HPD: variants seen among roughly 807,000 people sequenced by gnomAD.
The protein encoded by HPD is 4-hydroxyphenylpyruvate dioxygenase, also known as 4-hydroxyphenylpyruvic acid oxidase.
In HPD, 35 loss-of-function variants were observed where a neutral mutation model predicts 56.9. That is an observed-to-expected ratio of 0.62 (90% confidence interval 0.47 to 0.82). HPD has a LOEUF of 0.82. HPD is among the 40% of genes least tolerant of loss of function. The pLI, the probability that HPD is intolerant of heterozygous loss-of-function variation, is 0.00. For synonymous variants in HPD, 186 were observed against 200.2 expected (o/e 0.93, Z 0.60); for missense variants, 442 against 506.8 (o/e 0.87, Z 1.23).
At chr12:121,850,621 G>A (rs1425017380) in intron 7 of HPD, among the ~76,000 whole-genome samples, 1 of 147,730 alleles carries the variant, frequency 6.8e-6, no homozygotes, top group Admixed American at 6.8e-5. Context: ...TTATAGGCGT[G>A]TACCACCATG....
intron 6 of HPD, among the ~76,000 whole-genome samples, chr12:121,855,250 T>A (rs1256883074): frequency 6.6e-6 from 1 of 152,204 alleles, no homozygotes; most frequent in Non-Finnish European, 1.5e-5. Context: ...GCAAAAGTAC[T>A]ATTATCATCT....
the HPD span, among the ~76,000 whole-genome samples, chr12:121,878,182 A>C: frequency 6.6e-6 from 1 of 152,124 alleles, no homozygotes; most frequent in Non-Finnish European, 1.5e-5. Context: ...CATCTCAATA[A>C]ATTGAATTGG....
chr12:121,849,876 C>T (rs960914351), intron 7 of HPD, 86 bp from the exon 8 acceptor site: 18 of 859,828 alleles, frequency 2.1e-5, no homozygotes, highest in African/African-American at 5.0e-5. Context: ...AACGTAGCCC[C>T]GGGTTCCAAC....
intron 7 of HPD, among the ~76,000 whole-genome samples, chr12:121,851,682 C>CATTTATTT (rs1240851881): frequency 0.039 from 993 of 25,288 alleles, 45 homozygotes; most frequent in Middle Eastern, 0.13. Context: ...CATTTTTATT[C>CATTTATTT]ATTTATTTAT....
rs187917492 is a variant in HPD at position 121,853,781 on chromosome 12, T to C, written c.414+922A>G. Among the ~76,000 whole-genome samples the C allele has an allele frequency of 2.8e-3, 420 of 148,812 alleles. 4 individuals carry two copies. Among genetic ancestry groups the C allele is most frequent in the Admixed American group, 5.0e-3 (74 of 14,774 alleles). ...CAACATGGCAAAACCCTGTCTCTAC[T>C]AAAAACACAAAAATTAGCCGTGTGT... On this transcript the variant is annotated intron_variant, in intron 7 of 13. Coordinates refer to ENST00000289004, the MANE Select transcript of HPD (RefSeq NM_002150.3).
the HPD span, among the ~76,000 whole-genome samples, chr12:121,884,166 CCT>C: frequency 1.6e-5 from 2 of 122,870 alleles, no homozygotes; most frequent in Admixed American, 9.5e-5. Context: ...TTTCTCTTTT[CCT>C]CTCTTTTTTT....
the HPD span, among the ~76,000 whole-genome samples, chr12:121,884,454 T>C: frequency 1.3e-5 from 2 of 152,004 alleles, no homozygotes; most frequent in African/African-American, 4.8e-5. Flanking sequence ...TGAACCATCA[T>C]GCCTGGTCCT....
intron 12 of HPD, among the ~76,000 whole-genome samples, chr12:121,841,534 G>A (rs1456004412): frequency 2.6e-5 from 4 of 152,242 alleles, no homozygotes; most frequent in Non-Finnish European, 5.9e-5. Flanking sequence ...ATCTATCAAC[G>A]AGGAATAGAT....
At chr12:121,862,610 T>A (rs1229584475), upstream of HPD, among the ~76,000 whole-genome samples, 1 of 141,756 alleles carries the variant, frequency 7.1e-6, no homozygotes, top group Non-Finnish European at 1.5e-5. Flanking sequence ...TTTTTTTTTT[T>A]TTTTTTTTTT....
At chr12:121,869,796 A>T in the HPD span, among the ~76,000 whole-genome samples, 5 of 152,322 alleles carry the variant, frequency 3.3e-5, no homozygotes, top group African/African-American at 9.6e-5. Flanking sequence ...AAGTGCTGGA[A>T]TTACTGGCGT....
At chr12:121,858,373 C>T (rs1158200818) in intron 2 of HPD, among the ~76,000 whole-genome samples, 2 of 151,976 alleles carry the variant, frequency 1.3e-5, no homozygotes, top group East Asian at 1.9e-4. Flanking sequence ...TTAGTAGAGA[C>T]GGGGTTTCCT....
chr12:121,846,802 G>T (rs1877598798), intron 11 of HPD, 60 bp downstream of exon 11: 5 of 1,528,518 alleles, frequency 3.3e-6, no homozygotes, highest in Admixed American at 1.7e-5. Flanking sequence ...TCTCAATTTT[G>T]CAGAGATCGT....
intron 12 of HPD, among the ~76,000 whole-genome samples, chr12:121,843,145 A>T (rs1592915559): frequency 6.6e-6 from 1 of 152,326 alleles, no homozygotes; most frequent in East Asian, 1.9e-4. Flanking sequence ...ACATATGTCA[A>T]TAACACTGCT....
the HPD span, among the ~76,000 whole-genome samples, chr12:121,887,352 T>TTCTC: frequency 2.7e-5 from 4 of 149,792 alleles, no homozygotes; most frequent in African/African-American, 7.3e-5. Context: ...GCACCTGTAT[T>TTCTC]TCTCTCTCTC....
intron 7 of HPD, among the ~76,000 whole-genome samples, chr12:121,853,742 G>A (rs1303561879): frequency 1.3e-5 from 2 of 151,600 alleles, no homozygotes; most frequent in Non-Finnish European, 2.9e-5. Context: ...TCAGGAGTTC[G>A]AGACCAGCCT....
At chr12:121,873,676 T>G in the HPD span, among the ~76,000 whole-genome samples, 1 of 152,054 alleles carries the variant, frequency 6.6e-6, no homozygotes, top group African/African-American at 2.4e-5. Flanking sequence ...AAAAATTAGC[T>G]GGGCGTGCTG....
At chr12:121,881,928 G>A in the HPD span, among the ~76,000 whole-genome samples, 2 of 147,536 alleles carry the variant, frequency 1.4e-5, 1 homozygote, top group Admixed American at 1.4e-4. Flanking sequence ...TTACAGGCGT[G>A]AGCCACCGCG....
chr12:121,865,246 C>T (rs185614378), upstream of HPD, among the ~76,000 whole-genome samples: 538 of 139,574 alleles, frequency 3.9e-3, 2 homozygotes, highest in African/African-American at 0.013. Context: ...CTAACCTGGG[C>T]GACACAGCGA....
the HPD span, among the ~76,000 whole-genome samples, chr12:121,887,927 G>A: frequency 1.3e-5 from 2 of 152,120 alleles, no homozygotes; most frequent in African/African-American, 4.8e-5. Flanking sequence ...CAAAATATTA[G>A]AGGCACATGG....
Sources: gnomAD v4.1 joint callset for allele counts (sites outside exome capture counted in the v4.1 genomes callset) on GRCh38, gnomAD v4.1.1 for gene constraint, MANE v1.5 for transcripts, NCBI Gene and HGNC (gene_info 2026-07-23, HGNC 2026-07-21) for gene names.